AGTPBP1: variants seen among roughly 807,000 people sequenced by gnomAD.
AGTPBP1 encodes cytosolic carboxypeptidase 1.
Under a neutral mutation model 143.9 loss-of-function variants are expected in AGTPBP1, and 70 were observed. That is an observed-to-expected ratio of 0.49 (90% confidence interval 0.40 to 0.59). AGTPBP1 has a LOEUF of 0.59. AGTPBP1 is among the 20% of genes least tolerant of loss of function. The pLI, the probability that AGTPBP1 is intolerant of heterozygous loss-of-function variation, is 0.00. For synonymous variants in AGTPBP1, 463 were observed against 500.2 expected (o/e 0.93, Z 0.99); for missense variants, 1,229 against 1,464.5 (o/e 0.84, Z 2.62).
At chr9:85,601,463 C>T (rs1407929386) in intron 17 of AGTPBP1, among the ~76,000 whole-genome samples, 1 of 152,188 alleles carries the variant, frequency 6.6e-6, no homozygotes, top group Non-Finnish European at 1.5e-5. Context: ...GAGCACTCCT[C>T]CCAGGGGTCT....
chr9:85,800,237 G>C, the AGTPBP1 span, among the ~76,000 whole-genome samples: 2 of 152,200 alleles, frequency 1.3e-5, no homozygotes, highest in African/African-American at 2.4e-5. Context: ...GCATGGAATG[G>C]AGTAGGGAAT....
chr9:85,783,823 C>T, the AGTPBP1 span, among the ~76,000 whole-genome samples: 14 of 152,022 alleles, frequency 9.2e-5, no homozygotes, highest in African/African-American at 3.4e-4. Context: ...TTAGTAGAGA[C>T]CATGTCGGCC....
intron 2 of AGTPBP1, among the ~76,000 whole-genome samples, chr9:85,694,406 G>T (rs1258945184): frequency 4.6e-5 from 7 of 151,970 alleles, no homozygotes; most frequent in Admixed American, 4.6e-4. Flanking sequence ...AATATGTACT[G>T]CTCTCTCCAT....
intron 25 of AGTPBP1, among the ~76,000 whole-genome samples, chr9:85,556,656 G>A (rs980525168): frequency 1.2e-4 from 18 of 152,084 alleles, no homozygotes; most frequent in East Asian, 5.8e-4. Context: ...ACTAACCAAC[G>A]AAAGCTAGGG....
At chr9:85,616,577 C>T (rs937524784) in intron 17 of AGTPBP1, among the ~76,000 whole-genome samples, 1 of 151,784 alleles carries the variant, frequency 6.6e-6, no homozygotes, top group Admixed American at 6.6e-5. Flanking sequence ...ACTATTATAT[C>T]AGGAATAAAT....
intron 2 of AGTPBP1, among the ~76,000 whole-genome samples, chr9:85,698,679 CTTTTTTTTTTTTTTTTTTTTTT>C (rs34248388): frequency 1.3e-5 from 1 of 76,568 alleles, no homozygotes; most frequent in African/African-American, 5.8e-5. Flanking sequence ...CCACCTAACC[CTTTTTTTTTTTTTTTTTTTTTT>C]TTTTTTTTTG....
chr9:85,747,542 TTTC>T, the AGTPBP1 span, among the ~76,000 whole-genome samples: 1 of 152,234 alleles, frequency 6.6e-6, no homozygotes, highest in Non-Finnish European at 1.5e-5. Flanking sequence ...TCTTCATTAA[TTTC>T]TTTCAGCAAT....
At chr9:85,715,745 T>C (rs1202221167) in intron 1 of AGTPBP1, among the ~76,000 whole-genome samples, 1 of 152,204 alleles carries the variant, frequency 6.6e-6, no homozygotes, top group Non-Finnish European at 1.5e-5. Context: ...CGAAAGCTTG[T>C]GTTGATTACA....
the AGTPBP1 span, chr9:85,791,390 AG>A: frequency 2.6e-5 from 4 of 151,548 alleles, no homozygotes; most frequent in Non-Finnish European, 5.9e-5. Flanking sequence ...AAAAAAAAAA[AG>A]TTATGTGGTC....
At chr9:85,636,258 T>TC (rs1426228027) in intron 13 of AGTPBP1, among the ~76,000 whole-genome samples, 1 of 139,438 alleles carries the variant, frequency 7.2e-6, no homozygotes, top group African/African-American at 2.8e-5. Context: ...TTGTAAGGTT[T>TC]CTTTTTTTTT....
chr9:85,678,902 CGATA>C (rs975517758), intron 4 of AGTPBP1, among the ~76,000 whole-genome samples: 1 of 152,078 alleles, frequency 6.6e-6, no homozygotes. Context: ...TTTTACATAT[CGATA>C]GATAAAGAGC....
At chr9:85,627,508 G>A (rs28405940) in intron 14 of AGTPBP1, among the ~76,000 whole-genome samples, 2,014 of 152,224 alleles carry the variant, frequency 0.013, 48 homozygotes, top group African/African-American at 0.045. Context: ...AAGGTGAAAA[G>A]GGAGAGTGGA....
At chr9:85,786,523 A>G in the AGTPBP1 span, 6 of 1,613,764 alleles carry the variant, frequency 3.7e-6, no homozygotes, top group African/African-American at 8.0e-5. Context: ...TTGGCATTGG[A>G]TCAATGGCTG....
chr9:85,564,690 G>A (rs1216305667), intron 25 of AGTPBP1, among the ~76,000 whole-genome samples: 1 of 152,216 alleles, frequency 6.6e-6, no homozygotes, highest in African/African-American at 2.4e-5. Context: ...GCCGAGGTGT[G>A]TAATGGGCTA....
intron 17 of AGTPBP1, among the ~76,000 whole-genome samples, chr9:85,605,295 C>A (rs1452769205): frequency 6.6e-6 from 1 of 152,084 alleles, no homozygotes; most frequent in East Asian, 1.9e-4. Flanking sequence ...TAGCAGACTT[C>A]TCAGTAGAAA....
chr9:85,750,207 A>C, the AGTPBP1 span, among the ~76,000 whole-genome samples: 2 of 152,208 alleles, frequency 1.3e-5, no homozygotes, highest in Non-Finnish European at 2.9e-5. Flanking sequence ...AATAGTAGAG[A>C]GTCAACTCCA....
At chr9:85,681,808 G>A (rs1218028309) in intron 3 of AGTPBP1, among the ~76,000 whole-genome samples, 3 of 134,194 alleles carry the variant, frequency 2.2e-5, no homozygotes, top group Non-Finnish European at 3.0e-5. Flanking sequence ...GGAGTGCAAC[G>A]GCGCAATCTC....
At chr9:85,803,365 C>A in the AGTPBP1 span, among the ~76,000 whole-genome samples, 1 of 152,314 alleles carries the variant, frequency 6.6e-6, no homozygotes, top group Non-Finnish European at 1.5e-5. Flanking sequence ...TTTACCTTGT[C>A]TTGATGATTC....
At chr9:85,597,558 C>T (rs75998494) in intron 17 of AGTPBP1, among the ~76,000 whole-genome samples, 1,793 of 152,104 alleles carry the variant, frequency 0.012, 36 homozygotes, top group African/African-American at 0.041. Context: ...AAATAGCTAA[C>T]AATGAATAAT....
Sources: allele counts gnomAD v4.1 joint callset (sites outside exome capture counted in the v4.1 genomes callset), GRCh38; gene constraint gnomAD v4.1.1; transcripts MANE v1.5; gene names NCBI Gene and HGNC (gene_info 2026-07-23, HGNC 2026-07-21).